Variants in PRKG1 observed in about 807,000 individuals in gnomAD.
The protein encoded by PRKG1 is protein kinase cGMP-dependent 1.
Under a neutral mutation model 88.1 loss-of-function variants are expected in PRKG1, and 35 were observed. That is an observed-to-expected ratio of 0.40 (90% CI 0.30 to 0.53). PRKG1 has a LOEUF of 0.53. Among genes scored for constraint, PRKG1 ranks in the 20% least tolerant of loss-of-function variants. The pLI, the probability that PRKG1 is intolerant of heterozygous loss-of-function variation, is 0.59. For missense variants in PRKG1, 540 were observed against 839.8 expected (o/e 0.64, Z 4.41); for synonymous variants, 303 against 292.5 (o/e 1.04, Z -0.37).
intron 2 of PRKG1, chr10:51,319,819 C>T (rs985138125): frequency 6.5e-6 from 1 of 152,936 alleles, no homozygotes; most frequent in African/African-American, 2.4e-5. Flanking sequence ...ATTCCATGCC[C>T]ACGCTGTTAG....
At chr10:52,118,311 C>T (rs1204130065) in intron 7 of PRKG1, among the ~76,000 whole-genome samples, 2 of 151,838 alleles carry the variant, frequency 1.3e-5, no homozygotes, top group Non-Finnish European at 2.9e-5. Flanking sequence ...ATTATTATCA[C>T]CTTGCAGAAA....
intron 3 of PRKG1, among the ~76,000 whole-genome samples, chr10:51,729,275 T>C (rs1842212997): frequency 6.6e-6 from 1 of 152,218 alleles, no homozygotes; most frequent in Admixed American, 6.5e-5. Flanking sequence ...TTGGCTAGAA[T>C]AGCATGAAAA....
chr10:51,775,334 T>C (rs2132552560), intron 3 of PRKG1, among the ~76,000 whole-genome samples: 1 of 152,282 alleles, frequency 6.6e-6, no homozygotes, highest in South Asian at 2.1e-4. Context: ...TTAAGAATAC[T>C]TCAAGTCAGA....
chr10:51,387,415 A>G (rs1837280920), intron 2 of PRKG1, among the ~76,000 whole-genome samples: 1 of 151,394 alleles, frequency 6.6e-6, no homozygotes, highest in African/African-American at 2.4e-5. Flanking sequence ...CTGCATTTTC[A>G]TTTTCCACTG....
At chr10:51,806,984 T>A (rs12412798) in intron 4 of PRKG1, among the ~76,000 whole-genome samples, 3 of 152,198 alleles carry the variant, frequency 2.0e-5, no homozygotes, top group African/African-American at 7.2e-5. Context: ...CTCATTACAC[T>A]GAGAAGTCAC....
intron 4 of PRKG1, among the ~76,000 whole-genome samples, chr10:51,884,444 CAAA>C (rs57229967): frequency 7.1e-5 from 5 of 70,034 alleles, no homozygotes; most frequent in South Asian, 1.6e-3. Flanking sequence ...AACTCCGTCT[CAAA>C]AAAAAAAAAA....
chr10:51,817,705 A>G (rs1839629565), intron 4 of PRKG1, among the ~76,000 whole-genome samples: 1 of 152,194 alleles, frequency 6.6e-6, no homozygotes, highest in South Asian at 2.1e-4. Context: ...TTGTCTGGAT[A>G]AAAATATGAC....
intron 9 of PRKG1, among the ~76,000 whole-genome samples, chr10:52,234,481 G>A (rs1450285973): frequency 6.6e-6 from 1 of 151,498 alleles, no homozygotes; most frequent in Non-Finnish European, 1.5e-5. Context: ...GGAGCTGATG[G>A]AGCTGAAAAC....
At chr10:51,276,057 T>G (rs555933223) in intron 2 of PRKG1, among the ~76,000 whole-genome samples, 18 of 152,254 alleles carry the variant, frequency 1.2e-4, no homozygotes, top group Non-Finnish European at 1.3e-4. Flanking sequence ...GTTGGTGTGC[T>G]GCACCCACTA....
intron 1 of PRKG1, among the ~76,000 whole-genome samples, chr10:51,123,580 G>A (rs1251922997): frequency 6.6e-6 from 1 of 151,988 alleles, no homozygotes; most frequent in East Asian, 1.9e-4. Context: ...CAGCTACTCG[G>A]GTGGCTGAGG....
At chr10:51,793,269 G>A (rs1937656) in intron 3 of PRKG1, among the ~76,000 whole-genome samples, 82,625 of 151,528 alleles carry the variant, frequency 0.55, 23,289 homozygotes, top group Middle Eastern at 0.63. Flanking sequence ...AATACAATGA[G>A]TGAAATGGAA....
intron 5 of PRKG1, among the ~76,000 whole-genome samples, chr10:51,942,790 C>A (rs1301779001): frequency 1.3e-5 from 2 of 151,124 alleles, no homozygotes; most frequent in Non-Finnish European, 2.9e-5. Context: ...TCTGAGGGCT[C>A]TGTTCTGTTC....
chr10:51,585,602 G>A (rs1408668333), intron 3 of PRKG1, among the ~76,000 whole-genome samples: 1 of 152,098 alleles, frequency 6.6e-6, no homozygotes, highest in Non-Finnish European at 1.5e-5. Flanking sequence ...ATTCAATGCA[G>A]CAATTCTGTT....
intron 9 of PRKG1, 22 bp from the exon 10 acceptor site, chr10:52,251,548 T>G: frequency 6.2e-7 from 1 of 1,607,108 alleles, no homozygotes; most frequent in Non-Finnish European, 8.5e-7. Context: ...AAATTTCCAT[T>G]TTTTCACATC....
At position 51,098,866 on chromosome 10, in the gene PRKG1, C is replaced by T. The variant is rs563732656; in HGVS notation, c.311+23965C>T. On this transcript the variant is annotated intron_variant, in intron 1 of 17. Transcript: ENST00000373980. ...GCCACTCTTCTTTAGCGAACTTTCC[C>T]TGGGTAACTGATGGTTTTTCAGACA... is the stretch of plus-strand genomic sequence containing the variant. 2.6e-5 allele frequency among the ~76,000 whole-genome samples: 4 copies of T among 152,242 alleles called. No individual in the cohort carries two copies. The South Asian group carries it at 6.2e-4, about 24-fold the overall frequency.
At chr10:52,277,386 A>G (rs1841899659) in intron 12 of PRKG1, among the ~76,000 whole-genome samples, 1 of 152,148 alleles carries the variant, frequency 6.6e-6, no homozygotes, top group Non-Finnish European at 1.5e-5. Context: ...ATTCTATACT[A>G]TGTTAGTTAA....
At chr10:51,492,198 C>T (rs1840724064) in intron 3 of PRKG1, among the ~76,000 whole-genome samples, 1 of 152,146 alleles carries the variant, frequency 6.6e-6, no homozygotes, top group African/African-American at 2.4e-5. Flanking sequence ...GGATAGATGA[C>T]ACCACTGGTC....
chr10:51,790,594 G>T (rs1322975119), intron 3 of PRKG1, among the ~76,000 whole-genome samples: 2 of 152,048 alleles, frequency 1.3e-5, no homozygotes, highest in Non-Finnish European at 2.9e-5. Flanking sequence ...TATTTCTTTT[G>T]AATCCCCTAG....
At chr10:51,634,570 A>C (rs1328795195) in intron 3 of PRKG1, among the ~76,000 whole-genome samples, 2 of 152,154 alleles carry the variant, frequency 1.3e-5, no homozygotes, top group Non-Finnish European at 2.9e-5. Flanking sequence ...TTGGATAAAA[A>C]TAAGGACCCT....
Sources: allele counts gnomAD v4.1 joint callset (sites outside exome capture counted in the v4.1 genomes callset), GRCh38; gene constraint gnomAD v4.1.1; transcripts MANE v1.5; gene names NCBI Gene and HGNC (gene_info 2026-07-23, HGNC 2026-07-21).